PARP14: variants seen among roughly 807,000 people sequenced by gnomAD.
The protein encoded by PARP14 is protein mono-ADP-ribosyltransferase PARP14.
A neutral mutation model predicts 154.2 loss-of-function variants in PARP14; 59 were observed. The ratio of observed to expected loss-of-function variants is 0.38; its 90% CI spans 0.31 to 0.48. The LOEUF is 0.48. Among genes scored for constraint, PARP14 ranks in the 20% least tolerant of loss-of-function variants. PARP14 has a pLI of 0.98. For synonymous variants in PARP14, 720 were observed against 780.5 expected, an observed-to-expected ratio of 0.92 and a Z score of 1.29; for missense variants, 1,734 against 2,131.6, an observed-to-expected ratio of 0.81 and a Z score of 3.67.
At chr3:122,710,270 A>C (rs1314094336) in intron 9 of PARP14, among the ~76,000 whole-genome samples, 1 of 152,104 alleles carries the variant, frequency 6.6e-6, no homozygotes, top group African/African-American at 2.4e-5. Flanking sequence ...TTAATCTTCT[A>C]CATGTGGCTT....
intron 9 of PARP14, among the ~76,000 whole-genome samples, chr3:122,710,791 T>TTTTA (rs59634432): frequency 0.037 from 5,224 of 140,032 alleles, 120 homozygotes; most frequent in African/African-American, 0.054. Context: ...TTCCTAGGTA[T>TTTTA]TTTATTTATT....
chr3:122,706,177 CTGAG>C (rs1308745461), intron 8 of PARP14, among the ~76,000 whole-genome samples: 5 of 152,292 alleles, frequency 3.3e-5, no homozygotes, highest in Admixed American at 1.3e-4. Flanking sequence ...TTCCTGAAGA[CTGAG>C]TATTTTTCAA....
Position 122,727,929 on chromosome 3 carries a change from G to A in PARP14, c.5059G>A (p.Gly1687Ser), listed in dbSNP as rs201661224. 5.7e-4 allele frequency: 925 copies of A among 1,613,864 alleles called. No individual in the cohort carries two copies. Among genetic ancestry groups the A allele is most frequent in the Non-Finnish European group, 7.2e-4 (845 of 1,179,782 alleles). ...EKQLFHGTDA[G>S]SVPHVNRNGF... ...GCAACTCTTCCATGGGACAGATGCC[G>A]GCTCCGTGCCACACGTCAATCGAAA... The change falls in exon 16 of 17, where the codon GGC becomes AGC. Residue 1687 changes from glycine to serine, a missense_variant. Physicochemically the swap from Gly to Ser is moderately conservative, Grantham distance 56. Transcript: ENST00000474629.
Position 122,701,316 on chromosome 3 carries a change from T to C in PARP14, c.2762T>C (p.Ile921Thr). ...TACCGATCCATAGCCATCCCAGCTA[T>C]TAGTTCTGGAGTCTTTGGCTTTCCC... ...YKYRSIAIPA[I>T]SSGVFGFPLG... is the part of the protein sequence containing the mutation. The change falls in exon 6 of 17, where the codon ATT (isoleucine) becomes ACT (threonine). Residue 921 changes from isoleucine (I) to threonine (T), a missense_variant. Transcript: ENST00000474629. This position sits in a 1 kb window ranked among gnomAD's most constrained non-coding sequence, Gnocchi z 4.0. The C allele has an allele frequency of 6.2e-7, 1 of 1,614,044 alleles. No individual in the cohort carries two copies. The highest frequency in any genetic ancestry group is 8.5e-7 in the Non-Finnish European group (1 of 1,179,886).
At position 122,718,542 on chromosome 3, in the gene PARP14, T is replaced by A. The variant is rs545093037; in HGVS notation, c.4391T>A (p.Ile1464Asn). Residue 1464 changes from isoleucine (I) to asparagine (N), a missense_variant, in exon 14 of 17, where the codon ATC (isoleucine) becomes AAC (asparagine). Ile to Asn is a moderately radical substitution (Grantham distance 149). Around this residue, in one of 2 missense-constraint regions of PARP14, gnomAD observed 1,646 missense variants for 1,976.0 expected, o/e 0.83. Coordinates refer to ENST00000474629, the MANE Select transcript of PARP14 (RefSeq NM_017554.3). ...QCPYTSEDEC[I>N]KDFDEKEYQE... Reference sequence around the variant, plus strand: ...CCTTACACCAGTGAAGATGAGTGCATCAAAGACTTTGATGAAAAGGAGTAT... The same window carrying A: ...CCTTACACCAGTGAAGATGAGTGCAACAAAGACTTTGATGAAAAGGAGTAT... The A allele has an allele frequency of 6.2e-7, 1 of 1,613,822 alleles. No homozygotes were observed. Among genetic ancestry groups the A allele is most frequent in the African/African-American group, 1.3e-5 (1 of 75,032 alleles).
chr3:122,723,204 T>A (rs28427531), intron 15 of PARP14, among the ~76,000 whole-genome samples: 4,006 of 152,218 alleles, frequency 0.026, 164 homozygotes, highest in African/African-American at 0.089. Flanking sequence ...CCTCCCAAAG[T>A]GTTGGGATTA....
chr3:122,690,816 C>T (rs76667189), intron 3 of PARP14, among the ~76,000 whole-genome samples: 7,739 of 152,264 alleles, frequency 0.051, 267 homozygotes, highest in Middle Eastern at 0.088. Context: ...CTGGCCACAA[C>T]ACAAGTTTAT....
rs1239816153 is a variant in PARP14, at chr3:122,700,660, G to T, written c.2106G>T (p.Val702=). The change falls in exon 6 of 17, where the codon GTG becomes GTT. Residue 702 remains valine (V), a synonymous_variant. Coordinates refer to ENST00000474629, the MANE Select transcript of PARP14 (RefSeq NM_017554.3). Reference sequence around the variant, plus strand: ...GGCCAAAGATAAAGAAGGTAAATGTGCAGGTAAGTTTCAATCCTGAGAACA... The same window carrying T: ...GGCCAAAGATAAAGAAGGTAAATGTTCAGGTAAGTTTCAATCCTGAGAACA... The part of the protein sequence containing the change: ...LFWPKIKKVN[V]QVSFNPENKQ... 6.2e-7 allele frequency: 1 copy of T among 1,607,930 alleles called. No individual in the cohort carries two copies. Among genetic ancestry groups the T allele is most frequent in the Non-Finnish European group, 8.5e-7 (1 of 1,176,842 alleles).
chr3:122,727,964 C>T lies in PARP14; in HGVS notation c.5094C>T (p.Asn1698=). 2.5e-6 allele frequency: 4 copies of T among 1,612,014 alleles called. No individual in the cohort carries two copies. Among genetic ancestry groups the T allele is most frequent in the Non-Finnish European group, 3.4e-6 (4 of 1,179,172 alleles). The part of the protein sequence containing the change: ...SVPHVNRNGF[N]RSYAGKNAVA... ...CACACGTCAATCGAAATGGCTTTAACCGCAGCTATGCCGGAAAGAATGGTA... is the reference window on the plus strand; with the variant it reads ...CACACGTCAATCGAAATGGCTTTAATCGCAGCTATGCCGGAAAGAATGGTA... The change falls in exon 16 of 17, where the codon AAC becomes AAT. Residue 1698 remains asparagine (N), a synonymous_variant. Transcript: ENST00000474629.
Position 122,695,521 on chromosome 3 carries a change from G to A in PARP14, c.694G>A (p.Val232Ile). 3 of 1,609,876 alleles carry A rather than the reference G, an allele frequency of 1.9e-6. No homozygotes were observed. The highest frequency in any genetic ancestry group is 2.5e-6 in the Non-Finnish European group (3 of 1,177,050). The stretch of plus-strand genomic sequence containing the variant: ...TCTGGAAGTGACAAACACAATCAGG[G>A]TTGAAAACCTGCCACCTGGTGCTGA... ...RLLEVTNTIRVENLPPGADDY... is the reference protein window; with the variant it reads ...RLLEVTNTIRIENLPPGADDY... The change falls in exon 5 of 17, where the codon GTT becomes ATT. Residue 232 changes from valine (V) to isoleucine (I), a missense_variant. Around this residue, in one of 2 missense-constraint regions of PARP14, gnomAD observed 1,646 missense variants for 1,976.0 expected, o/e 0.83. Coordinates refer to ENST00000474629, the MANE Select transcript of PARP14 (RefSeq NM_017554.3).
At chr3:122,686,925 A>G (rs1560047025) in intron 2 of PARP14, 155 bp from the exon 3 acceptor site, 2 of 565,324 alleles carry the variant, frequency 3.5e-6, no homozygotes, top group Non-Finnish European at 6.3e-6. Context: ...ATATGCCACT[A>G]TATATGGCCC....
At chr3:122,713,235 T>C (rs1470385241) in intron 9 of PARP14, among the ~76,000 whole-genome samples, 189 bp from the exon 10 acceptor site, 1 of 152,182 alleles carries the variant, frequency 6.6e-6, no homozygotes, top group Non-Finnish European at 1.5e-5. Flanking sequence ...TGATATGGAT[T>C]CTATGTTCTA....
At chr3:122,715,602 C>T (rs1330277694) in intron 12 of PARP14, among the ~76,000 whole-genome samples, 1 of 91,428 alleles carries the variant, frequency 1.1e-5, no homozygotes, top group East Asian at 3.1e-4. Flanking sequence ...AGTCATCTAT[C>T]TATCTATCTA....
At chr3:122,709,148 C>T (rs543093626) in intron 9 of PARP14, among the ~76,000 whole-genome samples, 24 of 152,016 alleles carry the variant, frequency 1.6e-4, no homozygotes, top group Non-Finnish European at 2.6e-4. Context: ...TTAGTGCATC[C>T]GTCACCTGAG....
chr3:122,728,609 C>A lies in PARP14; in HGVS notation c.*12C>A, dbSNP rs1169234899. 2 of 1,593,624 alleles carry A rather than the reference C, an allele frequency of 1.3e-6. No homozygotes were observed. The highest frequency in any genetic ancestry group is 2.2e-5 in the East Asian group (1 of 44,530). ...CGTTTAGAAAATAACACTTTGGTAT[C>A]CTTCCCACAAAATTATTCTCCATTT... On this transcript the variant is annotated 3_prime_UTR_variant, in exon 17 of 17. Coordinates refer to ENST00000474629, the MANE Select transcript of PARP14 (RefSeq NM_017554.3).
rs1012392040 is a variant in PARP14 at position 122,700,819 on chromosome 3, G to C, written c.2265G>C (p.Gln755His). 1.2e-6 allele frequency: 2 copies of C among 1,613,906 alleles called. No homozygotes were observed. Among genetic ancestry groups the C allele is most frequent in the Non-Finnish European group, 1.7e-6 (2 of 1,179,840 alleles). The change falls in exon 6 of 17, where the codon CAG becomes CAC. Residue 755 changes from glutamine (Q) to histidine (H), a missense_variant. Coordinates refer to ENST00000474629, the MANE Select transcript of PARP14 (RefSeq NM_017554.3). ...TDKPGAKQFF[Q>H]DKARFYQSEI... ...AGCCAGGAGCCAAGCAGTTCTTCCAGGATAAAGCACGGTTTTATCAAAGTG... is the reference window on the plus strand; with the variant it reads ...AGCCAGGAGCCAAGCAGTTCTTCCACGATAAAGCACGGTTTTATCAAAGTG...
At chr3:122,713,627 G>C (rs1939392092) in intron 10 of PARP14, 54 bp downstream of exon 10, 1 of 1,521,916 alleles carries the variant, frequency 6.6e-7, no homozygotes, top group African/African-American at 1.4e-5. Flanking sequence ...CTATGAAGGA[G>C]GGTTTCTATA....
At chr3:122,710,876 T>C (rs1359209323) in intron 9 of PARP14, among the ~76,000 whole-genome samples, 3 of 151,934 alleles carry the variant, frequency 2.0e-5, no homozygotes, top group Non-Finnish European at 4.4e-5. Context: ...GAGCTTTGAT[T>C]TGATTCTCAG....
intron 12 of PARP14, among the ~76,000 whole-genome samples, chr3:122,717,423 G>T (rs566198591): frequency 6.6e-6 from 1 of 152,346 alleles, no homozygotes; most frequent in East Asian, 1.9e-4. Context: ...TCTGCTTCAG[G>T]TGGCTACCTT....
Sources: gnomAD v4.1 joint callset for allele counts (sites outside exome capture counted in the v4.1 genomes callset) on GRCh38, gnomAD v4.1.1 for gene constraint, gnomAD v4.1.1 regional missense constraint, Gnocchi (gnomAD v3.1) non-coding constraint, MANE v1.5 for transcripts, NCBI Gene and HGNC (gene_info 2026-07-23, HGNC 2026-07-21) for gene names.